The following DYNC1I1 variants were observed in gnomAD, a reference collection of about 807,000 sequenced individuals.
DYNC1I1 encodes the protein dynein cytoplasmic 1 intermediate chain 1, also known as cytoplasmic dynein 1 intermediate chain 1.
DYNC1I1 carries 43 observed loss-of-function variants against 86.6 expected under a neutral mutation model. The observed-to-expected ratio is 0.50, with a 90% confidence interval of 0.39 to 0.64. The LOEUF (loss-of-function observed/expected upper bound fraction) is 0.64, where lower values mean the gene tolerates loss of function less well. Ranked by LOEUF, DYNC1I1 falls within the 30% of genes least tolerant of loss-of-function variation. The pLI, the probability that DYNC1I1 is intolerant of heterozygous loss-of-function variation, is 0.00. For synonymous variants in DYNC1I1, 262 were observed against 283.7 expected (o/e 0.92, Z 0.77); for missense variants, 604 against 788.8 (o/e 0.77, Z 2.81).
chr7:96,099,160 G>A (rs1284853712), downstream of DYNC1I1, among the ~76,000 whole-genome samples: 2 of 152,198 alleles, frequency 1.3e-5, no homozygotes, highest in Non-Finnish European at 2.9e-5. Context: ...CAAAACGCGT[G>A]CATTATTATG....
At chr7:95,895,152 G>C (rs1017195718) in intron 6 of DYNC1I1, among the ~76,000 whole-genome samples, 1 of 152,164 alleles carries the variant, frequency 6.6e-6, no homozygotes, top group Non-Finnish European at 1.5e-5. Context: ...AAAGTGCTTT[G>C]GAACTTCATC....
chr7:95,995,880 A>G, intron 9 of DYNC1I1, 68 bp from the exon 10 acceptor site: 2 of 1,535,570 alleles, frequency 1.3e-6, no homozygotes, highest in Non-Finnish European at 1.7e-6. Flanking sequence ...ACGTGTATGT[A>G]GGAATAACAA....
intron 4 of DYNC1I1, 145 bp from the exon 5 acceptor site, chr7:95,827,912 G>A: frequency 4.4e-6 from 3 of 683,890 alleles, no homozygotes; most frequent in South Asian, 2.1e-5. Flanking sequence ...ATAGTCACTG[G>A]GGGTGGAGGG....
intron 1 of DYNC1I1, among the ~76,000 whole-genome samples, chr7:95,773,415 C>A (rs767654988): frequency 2.6e-5 from 4 of 152,144 alleles, no homozygotes; most frequent in Non-Finnish European, 5.9e-5. Flanking sequence ...CGCTCCCATT[C>A]GGAATCGCTC....
intron 6 of DYNC1I1, among the ~76,000 whole-genome samples, chr7:95,892,423 G>A (rs1428086067): frequency 6.6e-6 from 1 of 151,976 alleles, no homozygotes; most frequent in Non-Finnish European, 1.5e-5. Context: ...CCATTCTCCC[G>A]CCTCAGCCTC....
chr7:95,985,903 T>C (rs1381988632), intron 8 of DYNC1I1, among the ~76,000 whole-genome samples: 1 of 152,136 alleles, frequency 6.6e-6, no homozygotes, highest in East Asian at 1.9e-4. Context: ...ATTTTGAATA[T>C]AGATGCTCTA....
intron 5 of DYNC1I1, among the ~76,000 whole-genome samples, chr7:95,851,954 A>G (rs1789590857): frequency 6.6e-6 from 1 of 152,166 alleles, no homozygotes; most frequent in African/African-American, 2.4e-5. Context: ...GTGAGCCACC[A>G]TGCCCAGCCA....
At chr7:96,065,378 C>CTTTTTTTTTTTTTTTT (rs34423655) in intron 14 of DYNC1I1, among the ~76,000 whole-genome samples, 1 of 127,584 alleles carries the variant, frequency 7.8e-6, no homozygotes, top group Non-Finnish European at 1.6e-5. Flanking sequence ...TTCTTTCTTT[C>CTTTTTTTTTTTTTTTT]TTTTTTTTTT....
At chr7:95,993,448 G>C (rs1224290753) in intron 9 of DYNC1I1, among the ~76,000 whole-genome samples, 1 of 152,186 alleles carries the variant, frequency 6.6e-6, no homozygotes, top group Non-Finnish European at 1.5e-5. Context: ...TAGCCCCTGT[G>C]GTGGTGGTGT....
intron 5 of DYNC1I1, among the ~76,000 whole-genome samples, chr7:95,865,430 T>G (rs11769486): frequency 3.9e-5 from 6 of 152,002 alleles, no homozygotes; most frequent in African/African-American, 1.4e-4. Context: ...TTTTTTCCTC[T>G]CTACCTTCCT....
intron 16 of DYNC1I1, among the ~76,000 whole-genome samples, chr7:96,091,517 C>A (rs1790846914): frequency 6.6e-6 from 1 of 152,060 alleles, no homozygotes; most frequent in East Asian, 1.9e-4. Flanking sequence ...GAGAAACCAA[C>A]TGAAATCAGA....
Position 96,013,884 on chromosome 7 carries a change from G to A in DYNC1I1, c.970-14291G>A, listed in dbSNP as rs1010309267. Among the ~76,000 whole-genome samples the A allele has an allele frequency of 5.3e-5, 8 of 152,218 alleles. No individual in the cohort carries two copies. In the East Asian group the frequency reaches 5.8e-4, roughly 11 times the overall value. On this transcript the variant is annotated intron_variant, in intron 10 of 16. Transcript: ENST00000447467. ...CCAACTCCAAAGGATCCATTTTATT[G>A]TACCCATGAAGAAATTAAGCCCAAC...
intron 10 of DYNC1I1, among the ~76,000 whole-genome samples, chr7:96,008,245 C>T (rs1323630222): frequency 1.3e-5 from 2 of 151,656 alleles, no homozygotes; most frequent in Non-Finnish European, 2.9e-5. Context: ...GGTCATTCCC[C>T]GGAAAGAAAA....
intron 6 of DYNC1I1, among the ~76,000 whole-genome samples, chr7:95,960,899 C>G (rs1452837599): frequency 2.0e-5 from 3 of 152,212 alleles, no homozygotes; most frequent in Non-Finnish European, 4.4e-5. Context: ...AAAGAATCTT[C>G]AAGTTTTAAT....
intron 6 of DYNC1I1, among the ~76,000 whole-genome samples, chr7:95,897,884 A>G (rs529673662): frequency 3.3e-5 from 5 of 152,160 alleles, no homozygotes; most frequent in Non-Finnish European, 5.9e-5. Flanking sequence ...GGGCTCCTTA[A>G]CAAAGCTGGC....
At chr7:95,909,610 A>G (rs760700092) in intron 6 of DYNC1I1, among the ~76,000 whole-genome samples, 1 of 152,164 alleles carries the variant, frequency 6.6e-6, no homozygotes, top group Non-Finnish European at 1.5e-5. Flanking sequence ...AGTGACTTTT[A>G]TAAAATATAA....
intron 10 of DYNC1I1, among the ~76,000 whole-genome samples, chr7:96,001,681 T>C (rs182498442): frequency 5.9e-5 from 9 of 152,296 alleles, no homozygotes; most frequent in Admixed American, 5.9e-4. Flanking sequence ...TCTTGTTGTG[T>C]CTTCACATGG....
At chr7:95,977,472 A>G in intron 6 of DYNC1I1, 40 bp from the exon 7 acceptor site, 1 of 1,592,566 alleles carries the variant, frequency 6.3e-7, no homozygotes, top group Non-Finnish European at 8.6e-7. Context: ...TTTGATTTGG[A>G]GGAAAGAAAA....
At chr7:96,015,206 G>A (rs540886027) in intron 10 of DYNC1I1, among the ~76,000 whole-genome samples, 2 of 152,204 alleles carry the variant, frequency 1.3e-5, no homozygotes, top group South Asian at 4.1e-4. Context: ...GAAGCAAAAT[G>A]TTGCTTTTTA....
Sources: gnomAD v4.1 joint callset for allele counts (sites outside exome capture counted in the v4.1 genomes callset) on GRCh38, gnomAD v4.1.1 for gene constraint, MANE v1.5 for transcripts, NCBI Gene and HGNC (gene_info 2026-07-23, HGNC 2026-07-21) for gene names.